Variants in ANKRD30A observed in about 807,000 individuals in gnomAD.
ANKRD30A encodes the protein ankyrin repeat domain-containing protein 30A.
In ANKRD30A, 170 loss-of-function variants were observed where a neutral mutation model predicts 166.3. The observed-to-expected ratio is 1.02, with a 90% confidence interval of 0.90 to 1.16. The LOEUF is 1.16. Among genes scored for constraint, ANKRD30A ranks in the 50% most tolerant of loss-of-function variants. The pLI is 0.00. For missense variants in ANKRD30A, 1,630 were observed against 1,518.0 expected (o/e 1.07, Z -1.23); for synonymous variants, 564 against 508.9 (o/e 1.11, Z -1.46).
intron 5 of ANKRD30A, among the ~76,000 whole-genome samples, chr10:37,136,240 A>G (rs1310709465): frequency 3.3e-5 from 5 of 152,146 alleles, no homozygotes; most frequent in African/African-American, 1.2e-4. Flanking sequence ...GGGCTCTAAA[A>G]TCCTCATTTT....
intron 31 of ANKRD30A, among the ~76,000 whole-genome samples, chr10:37,204,027 T>A (rs1289219365): frequency 1.3e-5 from 2 of 152,134 alleles, no homozygotes; most frequent in African/African-American, 4.8e-5. Context: ...TGCTTATGGA[T>A]AGGAAGAATC....
the ANKRD30A span, among the ~76,000 whole-genome samples, chr10:37,257,593 A>C: frequency 6.6e-6 from 1 of 152,110 alleles, no homozygotes; most frequent in Non-Finnish European, 1.5e-5. Flanking sequence ...ATTCTGGTAC[A>C]TTGTCTCTTT....
At chr10:37,202,211 C>A (rs1267500235) in intron 31 of ANKRD30A, among the ~76,000 whole-genome samples, 1 of 151,876 alleles carries the variant, frequency 6.6e-6, no homozygotes, top group Non-Finnish European at 1.5e-5. Context: ...AAGAAAGGGG[C>A]AACGCAATAG....
intron 29 of ANKRD30A, among the ~76,000 whole-genome samples, chr10:37,198,078 A>G (rs139068967): frequency 0.061 from 9,208 of 152,150 alleles, 395 homozygotes; most frequent in Middle Eastern, 0.11. Flanking sequence ...ACACTTTTTC[A>G]TGAAACTGTG....
At chr10:37,143,308 G>T (rs1417497692) in intron 7 of ANKRD30A, among the ~76,000 whole-genome samples, 1 of 152,176 alleles carries the variant, frequency 6.6e-6, no homozygotes, top group African/African-American at 2.4e-5. Context: ...GGGCATACTG[G>T]TTATGGTATA....
intron 13 of ANKRD30A, among the ~76,000 whole-genome samples, chr10:37,153,911 TAAGAAAG>T (rs1160791035): frequency 6.6e-6 from 1 of 151,820 alleles, no homozygotes. Flanking sequence ...AATGAGAAAA[TAAGAAAG>T]AAGAATGTAG....
rs1364790723 is a variant in ANKRD30A, at chr10:37,149,776, G to C, written c.1573-1G>C. On this transcript the variant is annotated splice_acceptor_variant, in intron 10 of 35. Coordinates refer to ENST00000361713, the MANE Select transcript of ANKRD30A (RefSeq NM_052997.3). LOFTEE classifies it high-confidence loss of function. ...ATCATTTTGCTTCCAACCCCATTTA[G>C]CCTGCCATTGAAATGCAAAACTCTG... is the stretch of plus-strand genomic sequence containing the variant. The C allele has an allele frequency of 6.2e-7, 1 of 1,612,736 alleles. No individual in the cohort carries two copies. Among genetic ancestry groups the C allele is most frequent in the African/African-American group, 1.3e-5 (1 of 74,818 alleles).
chr10:37,178,833 G>A (rs549503569), intron 24 of ANKRD30A, among the ~76,000 whole-genome samples: 1 of 150,900 alleles, frequency 6.6e-6, no homozygotes, highest in South Asian at 2.1e-4. Flanking sequence ...AAGCCAGCTA[G>A]ATGATTTTGG....
intron 13 of ANKRD30A, among the ~76,000 whole-genome samples, chr10:37,154,728 T>C (rs541083031): frequency 6.6e-6 from 1 of 152,258 alleles, no homozygotes; most frequent in South Asian, 2.1e-4. Flanking sequence ...AGAAGCCAGC[T>C]AGATGATTTT....
chr10:37,130,862 C>G (rs1202960779), intron 3 of ANKRD30A, among the ~76,000 whole-genome samples: 1 of 152,160 alleles, frequency 6.6e-6, no homozygotes, highest in African/African-American at 2.4e-5. Flanking sequence ...CACCTAGTTA[C>G]AACACTTACT....
Position 37,136,691 on chromosome 10 carries a change from AC to A in ANKRD30A, c.820+21del. The A allele has an allele frequency of 7.4e-7, 1 of 1,352,390 alleles. No homozygotes were observed. Among genetic ancestry groups the A allele is most frequent in the South Asian group, 1.3e-5 (1 of 76,860 alleles). The allele number at this position is 1,352,390 out of a possible 1,614,324, so 83.8% of individuals were successfully genotyped here. A position where few individuals can be genotyped will look rare whatever the true frequency, so the allele number is the denominator to read the frequency against. ...ATCCAGGTAAGACTTCTGATAGTAA[AC>A]TACCCTTGGTGGTGCTATCATAAGA... On this transcript the variant is annotated intron_variant, in intron 6 of 35. Transcript: ENST00000361713.
intron 25 of ANKRD30A, among the ~76,000 whole-genome samples, chr10:37,189,922 A>G (rs1027094737): frequency 1.3e-5 from 2 of 151,900 alleles, no homozygotes; most frequent in Non-Finnish European, 2.9e-5. Flanking sequence ...AAATGAAATG[A>G]TTGCTTAGGA....
chr10:37,236,843 A>C (rs540162093), downstream of ANKRD30A, among the ~76,000 whole-genome samples: 1 of 152,206 alleles, frequency 6.6e-6, no homozygotes, highest in Non-Finnish European at 1.5e-5. Context: ...TTTGGAGAAA[A>C]TTAATAGTTT....
the ANKRD30A span, among the ~76,000 whole-genome samples, chr10:37,243,135 T>A: frequency 8.6e-6 from 1 of 116,408 alleles, no homozygotes; most frequent in East Asian, 2.1e-4. Context: ...AATTTCCAAA[T>A]TTTTTTTTTT....
At chr10:37,171,134 C>T (rs1378752876) in intron 21 of ANKRD30A, among the ~76,000 whole-genome samples, 1 of 87,942 alleles carries the variant, frequency 1.1e-5, no homozygotes, top group African/African-American at 4.9e-5. Flanking sequence ...AATAGTTGTA[C>T]GCTGTACATA....
chr10:37,134,714 C>T (rs1180010588), intron 5 of ANKRD30A, among the ~76,000 whole-genome samples: 1 of 152,208 alleles, frequency 6.6e-6, no homozygotes, highest in Non-Finnish European at 1.5e-5. Context: ...TGACCCTGCT[C>T]CTCCACTCAA....
chr10:37,131,922 G>A (rs994365095), intron 3 of ANKRD30A, among the ~76,000 whole-genome samples: 1 of 152,172 alleles, frequency 6.6e-6, no homozygotes, highest in Non-Finnish European at 1.5e-5. Context: ...TTACTACTAT[G>A]TCTTAGGGTT....
chr10:37,192,375 C>T (rs1483960680), intron 25 of ANKRD30A, among the ~76,000 whole-genome samples: 1 of 151,960 alleles, frequency 6.6e-6, no homozygotes, highest in Non-Finnish European at 1.5e-5. Context: ...ATGCTTGGAC[C>T]TTTTTGTATA....
At chr10:37,265,885 G>A in the ANKRD30A span, among the ~76,000 whole-genome samples, 20 of 152,186 alleles carry the variant, frequency 1.3e-4, no homozygotes, top group African/African-American at 4.8e-4. Context: ...ACCCCCCTGG[G>A]TTAACCCAAG....
Sources: gnomAD v4.1 joint callset for allele counts (sites outside exome capture counted in the v4.1 genomes callset) on GRCh38, gnomAD v4.1.1 for gene constraint, MANE v1.5 for transcripts, NCBI Gene and HGNC (gene_info 2026-07-23, HGNC 2026-07-21) for gene names.